The following RBPMS variants were observed in gnomAD, a reference collection of about 807,000 sequenced individuals.
RBPMS encodes RNA-binding protein with multiple splicing.
In RBPMS, 7 loss-of-function variants were observed where a neutral mutation model predicts 26.8. That is an observed-to-expected ratio of 0.26 (90% CI 0.15 to 0.49). The LOEUF (loss-of-function observed/expected upper bound fraction) is 0.49, where lower values mean the gene tolerates loss of function less well. RBPMS is among the 20% of genes least tolerant of loss of function. RBPMS has a pLI of 0.98. For synonymous variants in RBPMS, 96 were observed against 93.3 expected, an observed-to-expected ratio of 1.03 and a Z score of -0.17; for missense variants, 186 against 250.0, an observed-to-expected ratio of 0.74 and a Z score of 1.73.
At chr8:30,546,671 C>T (rs1825889893) in intron 6 of RBPMS, among the ~76,000 whole-genome samples, 1 of 152,332 alleles carries the variant, frequency 6.6e-6, no homozygotes, top group Middle Eastern at 3.4e-3. Flanking sequence ...TTTGGTGGGA[C>T]TCTCCTCTGG....
chr8:30,446,624 T>C (rs1813799718), intron 1 of RBPMS, among the ~76,000 whole-genome samples: 1 of 152,154 alleles, frequency 6.6e-6, no homozygotes, highest in Non-Finnish European at 1.5e-5. Context: ...GCCCGAAAAG[T>C]GGTCTATATT....
intron 1 of RBPMS, among the ~76,000 whole-genome samples, chr8:30,391,936 G>A (rs1208111371): frequency 6.6e-6 from 1 of 151,922 alleles, no homozygotes; most frequent in East Asian, 1.9e-4. Context: ...TATTTACTAT[G>A]TGCCAAGCTG....
chr8:30,462,229 A>G (rs2150783493), intron 1 of RBPMS, among the ~76,000 whole-genome samples: 1 of 152,318 alleles, frequency 6.6e-6, no homozygotes, highest in South Asian at 2.1e-4. Context: ...CCCAACAGCA[A>G]TATATGTGAA....
At chr8:30,473,449 T>C (rs1817357881) in intron 1 of RBPMS, among the ~76,000 whole-genome samples, 1 of 152,210 alleles carries the variant, frequency 6.6e-6, no homozygotes, top group Non-Finnish European at 1.5e-5. Context: ...GAATGACTTT[T>C]ATTAGTGGCA....
At chr8:30,531,797 CAA>C (rs201027046) in intron 5 of RBPMS, among the ~76,000 whole-genome samples, 1,563 of 152,090 alleles carry the variant, frequency 0.01, 17 homozygotes, top group African/African-American at 0.032. Flanking sequence ...TTTTAGAAGG[CAA>C]AGAGATGGAG....
chr8:30,437,135 A>G (rs1812549159), intron 1 of RBPMS, among the ~76,000 whole-genome samples: 2 of 151,372 alleles, frequency 1.3e-5, no homozygotes, highest in South Asian at 4.2e-4. Context: ...GTTAGCCAGG[A>G]TGGTCTTGAT....
rs182942512 is a variant in RBPMS at position 30,471,204 on chromosome 8, A to G, written c.67-3575A>G. Among the ~76,000 whole-genome samples the G allele has an allele frequency of 4.1e-4, 63 of 152,296 alleles. No homozygotes were observed. The South Asian group carries it at 7.7e-3, about 19-fold the overall frequency. On this transcript the variant is annotated intron_variant, in intron 1 of 8. Transcript: ENST00000397323. ...ATAAATTTTTTTCCTCTAAATACTT[A>G]TATGTTGGCTACTTTATAGAACAAA... is the stretch of plus-strand genomic sequence containing the variant.
At chr8:30,484,046 A>G (rs1353631548) in intron 4 of RBPMS, among the ~76,000 whole-genome samples, 3 of 152,204 alleles carry the variant, frequency 2.0e-5, no homozygotes, top group Admixed American at 6.5e-5. Context: ...ATAAGGCTGC[A>G]GTGAACACTG....
intron 5 of RBPMS, among the ~76,000 whole-genome samples, chr8:30,519,564 A>G (rs1822811238): frequency 7.0e-6 from 1 of 143,430 alleles, no homozygotes; most frequent in Non-Finnish European, 1.5e-5. Flanking sequence ...GCTCACTGCA[A>G]GCTCCGCCTT....
chr8:30,556,467 C>T (rs1446398229), intron 6 of RBPMS: 1 of 985,774 alleles, frequency 1.0e-6, no homozygotes, highest in African/African-American at 1.7e-5. Flanking sequence ...GAAAGCAGAA[C>T]CATGCCATCC....
At chr8:30,464,124 C>T (rs952568496) in intron 1 of RBPMS, among the ~76,000 whole-genome samples, 1 of 152,072 alleles carries the variant, frequency 6.6e-6, no homozygotes, top group Non-Finnish European at 1.5e-5. Context: ...CAGTGCAACC[C>T]GTTTCTTTAA....
At chr8:30,462,957 G>A (rs1414774670) in intron 1 of RBPMS, among the ~76,000 whole-genome samples, 3 of 152,182 alleles carry the variant, frequency 2.0e-5, no homozygotes, top group East Asian at 1.9e-4. Context: ...ATTGGGGTCC[G>A]TAATACGAAA....
intron 6 of RBPMS, chr8:30,556,046 G>A (rs926133954): frequency 8.1e-6 from 8 of 985,328 alleles, no homozygotes; most frequent in African/African-American, 7.0e-5. Context: ...TGGGCGCAGC[G>A]GAGCCTCTCA....
chr8:30,556,759 C>T, intron 6 of RBPMS: 1 of 986,008 alleles, frequency 1.0e-6, no homozygotes, highest in Non-Finnish European at 1.2e-6. Context: ...GCTTAGTGAG[C>T]AAGTGGATTC....
At chr8:30,412,562 A>G (rs1239342920) in intron 1 of RBPMS, among the ~76,000 whole-genome samples, 1 of 151,972 alleles carries the variant, frequency 6.6e-6, no homozygotes, top group Non-Finnish European at 1.5e-5. Flanking sequence ...AAAACCAATT[A>G]TAGTAAAATC....
At chr8:30,516,555 A>G (rs1822329488) in intron 5 of RBPMS, among the ~76,000 whole-genome samples, 1 of 152,154 alleles carries the variant, frequency 6.6e-6, no homozygotes, top group African/African-American at 2.4e-5. Context: ...GACTCTACCC[A>G]AGTATCTTTC....
Position 30,416,178 on chromosome 8 carries a change from T to A in RBPMS, c.66+31020T>A, listed in dbSNP as rs574857172. Among the ~76,000 whole-genome samples, 8 of 152,304 alleles carry A rather than the reference T, an allele frequency of 5.3e-5. No homozygotes were observed. The South Asian group carries it at 1.7e-3, about 32-fold the overall frequency. ...TTGCCAGATAAACTAAACAAAATGA[T>A]GAAGAGTAGAAAAGGCTGTCCATTA... On this transcript the variant is annotated intron_variant, in intron 1 of 8. Coordinates refer to ENST00000397323, the MANE Select transcript of RBPMS (RefSeq NM_001008710.3).
rs535932952 is a variant in RBPMS at position 30,392,286 on chromosome 8, A to G, written c.66+7128A>G. 3.9e-5 allele frequency among the ~76,000 whole-genome samples: 6 copies of G among 152,264 alleles called. No homozygotes were observed. In the South Asian group the frequency reaches 1.2e-3, roughly 32 times the overall value. On this transcript the variant is annotated intron_variant, in intron 1 of 8. Coordinates refer to ENST00000397323, the MANE Select transcript of RBPMS (RefSeq NM_001008710.3). ...CTCAGTTAAGATTTTGACTGATGAG[A>G]AAAGGGTTCAGACAGTGGGGAAAAG... is the stretch of plus-strand genomic sequence containing the variant.
chr8:30,435,375 G>A (rs1276534817), intron 1 of RBPMS, among the ~76,000 whole-genome samples: 1 of 152,094 alleles, frequency 6.6e-6, no homozygotes, highest in African/African-American at 2.4e-5. Flanking sequence ...TTAGATAAGG[G>A]ATGCTCAACC....
Sources: allele counts gnomAD v4.1 joint callset (sites outside exome capture counted in the v4.1 genomes callset), GRCh38; gene constraint gnomAD v4.1.1; transcripts MANE v1.5; gene names NCBI Gene and HGNC (gene_info 2026-07-23, HGNC 2026-07-21).